Variants in LDLRAD4 observed in about 807,000 individuals in gnomAD.
LDLRAD4 encodes the protein low-density lipoprotein receptor class A domain-containing protein 4.
Under a neutral mutation model 17.0 loss-of-function variants are expected in LDLRAD4, and 5 were observed. The observed-to-expected ratio is 0.29, with a 90% confidence interval of 0.15 to 0.62. LDLRAD4 has a LOEUF of 0.62. LDLRAD4 is among the 20% of genes least tolerant of loss of function. The probability of loss-of-function intolerance (pLI) is 0.84; values close to 1 mark genes in which losing one functional copy is unlikely to be tolerated. For synonymous variants in LDLRAD4, 168 were observed against 171.8 expected (o/e 0.98, Z 0.17); for missense variants, 340 against 424.7 (o/e 0.80, Z 1.75).
At chr18:13,569,714 G>T (rs987340472) in intron 3 of LDLRAD4, among the ~76,000 whole-genome samples, 5 of 152,100 alleles carry the variant, frequency 3.3e-5, no homozygotes, top group Non-Finnish European at 5.9e-5. Flanking sequence ...TGAAACCCCT[G>T]TCTCTACTAA....
rs185781899 is a variant in LDLRAD4 at position 13,512,857 on chromosome 18, A to C, written c.181+74473A>C. ...GGATTTCACATTTTGCTTGAAAATAAATTTGGCAGTGGAGATCACTTGCAC... is the reference window on the plus strand; with the variant it reads ...GGATTTCACATTTTGCTTGAAAATACATTTGGCAGTGGAGATCACTTGCAC... On this transcript the variant is annotated intron_variant, in intron 3 of 5. Transcript: ENST00000359446. Among the ~76,000 whole-genome samples, 323 of 152,326 alleles carry C rather than the reference A, an allele frequency of 2.1e-3. 5 individuals carry two copies. The highest frequency in any genetic ancestry group is 7.3e-3 in the African/African-American group (302 of 41,556).
At chr18:13,608,473 C>T (rs2095246135) in intron 3 of LDLRAD4, among the ~76,000 whole-genome samples, 1 of 152,106 alleles carries the variant, frequency 6.6e-6, no homozygotes, top group African/African-American at 2.4e-5. Context: ...GCAGAGCCTC[C>T]CTTTACCACT....
At chr18:13,248,195 T>C (rs1383119872) in intron 1 of LDLRAD4, among the ~76,000 whole-genome samples, 1 of 152,202 alleles carries the variant, frequency 6.6e-6, no homozygotes, top group Non-Finnish European at 1.5e-5. Flanking sequence ...ACTCCTGACC[T>C]CGTGATCCGC....
rs557267131 is a variant in LDLRAD4 at position 13,360,068 on chromosome 18, T to C, written c.-382-27273T>C. ...GTAGGTGGGCCACAGAATGGAAAGA[T>C]GAGAAACTTCAAGCTGTGGCAAACC... is the stretch of plus-strand genomic sequence containing the variant. On this transcript the variant is annotated intron_variant, in intron 1 of 5. Transcript: ENST00000359446. Among the ~76,000 whole-genome samples, 7 of 152,258 alleles carry C rather than the reference T, an allele frequency of 4.6e-5. No homozygotes were observed. In the East Asian group the frequency reaches 1.4e-3, roughly 29 times the overall value.
rs182962994 is a variant in LDLRAD4, at chr18:13,638,447, C to G, written c.337-4912C>G. Among the ~76,000 whole-genome samples the G allele has an allele frequency of 8.7e-4, 132 of 152,178 alleles. 1 individual carries two copies. Among genetic ancestry groups the G allele is most frequent in the African/African-American group, 3.0e-3 (125 of 41,522 alleles). On this transcript the variant is annotated intron_variant, in intron 4 of 5. Transcript: ENST00000359446. ...ATTGTCATCAGATAATTCTTGTTACCTTTTTTGTTACTGCCTTTGTTCCAG... is the reference window on the plus strand; with the variant it reads ...ATTGTCATCAGATAATTCTTGTTACGTTTTTTGTTACTGCCTTTGTTCCAG...
At chr18:13,437,619 A>G (rs1048307374) in intron 2 of LDLRAD4, among the ~76,000 whole-genome samples, 2 of 152,186 alleles carry the variant, frequency 1.3e-5, no homozygotes, top group African/African-American at 4.8e-5. Context: ...ATGGCCCTTT[A>G]GCAGAAAGCA....
At position 13,417,044 on chromosome 18, in the gene LDLRAD4, G is replaced by A. The variant is rs139108419; in HGVS notation, c.41-21200G>A. ...GCCAGTAAGTAGTAGAGCCAGCTTC[G>A]AAATCCAGGCACTCTTGCAGCAGTA... On this transcript the variant is annotated intron_variant, in intron 2 of 5. Coordinates refer to ENST00000359446, the Ensembl canonical transcript of LDLRAD4. 1.1e-3 allele frequency among the ~76,000 whole-genome samples: 166 copies of A among 152,248 alleles called. 1 individual carries two copies. The East Asian group carries it at 0.016, about 15-fold the overall frequency.
intron 1 of LDLRAD4, among the ~76,000 whole-genome samples, chr18:13,369,826 A>G (rs1440091109): frequency 6.6e-6 from 1 of 152,182 alleles, no homozygotes; most frequent in South Asian, 2.1e-4. Context: ...ACGTGGGCTT[A>G]CGCACACAGA....
chr18:13,233,350 G>A lies in LDLRAD4; in HGVS notation c.-467+14362G>A, dbSNP rs76136958. Among the ~76,000 whole-genome samples, 256 of 152,318 alleles carry A rather than the reference G, an allele frequency of 1.7e-3. 8 individuals carry two copies. The East Asian group carries it at 0.043, about 26-fold the overall frequency. ...AAGGGACCCTCTGGCTTGCTCTTGG[G>A]TTGGCAAGGTTGGCAGAGGGGCCCA... On this transcript the variant is annotated intron_variant, in intron 1 of 5. Coordinates refer to the LDLRAD4 transcript ENST00000399848.
intron 3 of LDLRAD4, among the ~76,000 whole-genome samples, chr18:13,452,272 C>T (rs2146399252): frequency 6.6e-6 from 1 of 152,226 alleles, no homozygotes; most frequent in South Asian, 2.1e-4. Flanking sequence ...AGTGTGGTGT[C>T]CCCAGTTTTG....
At chr18:13,254,604 CT>C (rs764433870) in intron 1 of LDLRAD4, among the ~76,000 whole-genome samples, 3 of 152,200 alleles carry the variant, frequency 2.0e-5, no homozygotes, top group African/African-American at 4.8e-5. Flanking sequence ...TGGCCGAGTC[CT>C]TACTCTGACC....
intron 3 of LDLRAD4, among the ~76,000 whole-genome samples, chr18:13,517,696 A>G (rs2093888334): frequency 6.6e-6 from 1 of 152,162 alleles, no homozygotes; most frequent in South Asian, 2.1e-4. Flanking sequence ...CTAGGTCTTT[A>G]TATGACATAC....
chr18:13,492,913 G>A (rs1253089669), intron 3 of LDLRAD4, among the ~76,000 whole-genome samples: 1 of 152,080 alleles, frequency 6.6e-6, no homozygotes, highest in African/African-American at 2.4e-5. Flanking sequence ...GAGGATCGCT[G>A]TGCTACCAGC....
chr18:13,362,378 A>G (rs1481423208), intron 1 of LDLRAD4: 1 of 152,192 alleles, frequency 6.6e-6, no homozygotes, highest in East Asian at 1.9e-4. Flanking sequence ...GACCTTGTAA[A>G]TGGAGTTTTG....
chr18:13,313,938 CAGAA>C (rs2080796027), intron 1 of LDLRAD4, among the ~76,000 whole-genome samples: 1 of 152,058 alleles, frequency 6.6e-6, no homozygotes, highest in Admixed American at 6.6e-5. Context: ...GTTGTGATGT[CAGAA>C]AGAGAGGGAA....
At chr18:13,406,475 A>G (rs1047222601) in intron 2 of LDLRAD4, among the ~76,000 whole-genome samples, 2 of 152,168 alleles carry the variant, frequency 1.3e-5, no homozygotes, top group African/African-American at 2.4e-5. Flanking sequence ...GAACACCAAC[A>G]CGAGGATATA....
chr18:13,479,986 C>T (rs1311319289), intron 3 of LDLRAD4, among the ~76,000 whole-genome samples: 1 of 152,206 alleles, frequency 6.6e-6, no homozygotes, highest in Admixed American at 6.5e-5. Flanking sequence ...GGGGCAGCCA[C>T]ATTGGAAACA....
chr18:13,264,863 G>A (rs2044126297), intron 1 of LDLRAD4, among the ~76,000 whole-genome samples: 1 of 152,236 alleles, frequency 6.6e-6, no homozygotes, highest in Admixed American at 6.5e-5. Context: ...TTCAAGTACA[G>A]TCTTCCCGAA....
At chr18:13,411,644 G>C (rs1351550324) in intron 2 of LDLRAD4, among the ~76,000 whole-genome samples, 2 of 152,146 alleles carry the variant, frequency 1.3e-5, no homozygotes, top group African/African-American at 4.8e-5. Flanking sequence ...CAGGTAAGAC[G>C]TGACTTTGCT....
Sources: gnomAD v4.1 joint callset for allele counts (sites outside exome capture counted in the v4.1 genomes callset) on GRCh38, gnomAD v4.1.1 for gene constraint, MANE v1.5 for transcripts, NCBI Gene and HGNC (gene_info 2026-07-23, HGNC 2026-07-21) for gene names.